IL6R: variants seen among roughly 807,000 people sequenced by gnomAD.
IL6R encodes the protein interleukin 6 receptor.
IL6R carries 38 observed loss-of-function variants against 48.3 expected under a neutral mutation model. That is an observed-to-expected ratio of 0.79 (90% CI 0.61 to 1.03). The LOEUF is 1.03. Among genes scored for constraint, IL6R ranks in the 50% least tolerant of loss-of-function variants. The pLI, the probability that IL6R is intolerant of heterozygous loss-of-function variation, is 0.00. For missense variants in IL6R, 534 were observed against 618.3 expected (o/e 0.86, Z 1.45); for synonymous variants, 264 against 256.2 (o/e 1.03, Z -0.29).
Position 154,449,992 on chromosome 1 carries a change from G to C in IL6R, c.1066+12G>C. ...GACAAGCCTCCCAGGTAAGGACTGG[G>C]TATTTTCATATTCCCAGGGTCCGAG... On this transcript the variant is annotated intron_variant, in intron 8 of 9. Transcript: ENST00000368485. The C allele has an allele frequency of 6.4e-7, 1 of 1,556,480 alleles. No individual in the cohort carries two copies. Among genetic ancestry groups the C allele is most frequent in the Non-Finnish European group, 8.9e-7 (1 of 1,127,480 alleles).
intron 6 of IL6R, among the ~76,000 whole-genome samples, chr1:154,446,858 T>G (rs1330216267): frequency 6.6e-6 from 1 of 152,266 alleles, no homozygotes; most frequent in African/African-American, 2.4e-5. Context: ...AGTATTATGA[T>G]ATATACTGTG....
chr1:154,459,630 G>T (rs1172747699), intron 9 of IL6R, among the ~76,000 whole-genome samples: 1 of 151,806 alleles, frequency 6.6e-6, no homozygotes, highest in African/African-American at 2.4e-5. Context: ...TTTTTTCTTT[G>T]TTTTTTATTA....
intron 2 of IL6R, among the ~76,000 whole-genome samples, chr1:154,430,009 T>C (rs1002194984): frequency 2.6e-5 from 4 of 152,208 alleles, no homozygotes; most frequent in Non-Finnish European, 5.9e-5. Context: ...TCGAGCCCTA[T>C]GCCAAGGCAC....
rs1691278268 is a variant in IL6R at position 154,461,794 on chromosome 1, G to A, written c.1161-3340G>A. ...ATCTCCCCAAGGAATTTGGGGCTAG[G>A]GTTGTAAAAATGTTGGACTGGGCCA... On this transcript the variant is annotated intron_variant, in intron 9 of 9. Coordinates refer to ENST00000368485, the MANE Select transcript of IL6R (RefSeq NM_000565.4). Among the ~76,000 whole-genome samples the A allele has an allele frequency of 2.0e-5, 3 of 152,102 alleles. No homozygotes were observed. In the South Asian group the frequency reaches 6.2e-4, roughly 32 times the overall value.
At chr1:154,439,309 T>C (rs188524144) in intron 6 of IL6R, among the ~76,000 whole-genome samples, 2 of 152,184 alleles carry the variant, frequency 1.3e-5, no homozygotes, top group African/African-American at 4.8e-5. Context: ...AGATTTACCA[T>C]TTATATTATT....
In IL6R at chr1:154,465,343, A is replaced by C. The variant is rs746869010; in HGVS notation, c.1370A>C (p.Tyr457Ser). 6.2e-7 allele frequency: 1 copy of C among 1,614,204 alleles called. No homozygotes were observed. Among genetic ancestry groups the C allele is most frequent in the Admixed American group, 1.7e-5 (1 of 60,034 alleles). The change falls in exon 10 of 10, where the codon TAT becomes TCT. Residue 457 changes from tyrosine to serine, a missense_variant. Coordinates refer to ENST00000368485, the MANE Select transcript of IL6R (RefSeq NM_000565.4). ...RPDARDPRSP[Y>S]DISNTDYFFP... ...GATGCCAGGGACCCACGGAGCCCTT[A>C]TGACATCAGCAATACAGACTACTTC...
intron 1 of IL6R, chr1:154,414,941 C>T (rs1192907899): frequency 9.2e-6 from 11 of 1,192,758 alleles, no homozygotes; most frequent in Middle Eastern, 2.3e-4. Context: ...GGGATGTCCT[C>T]GCATAGGATG....
rs1396279859 is a variant in IL6R at position 154,405,686 on chromosome 1, G to T, written c.57G>T (p.Ala19=). The change falls in exon 1 of 10, where the codon GCG becomes GCT. Residue 19 remains alanine, a synonymous_variant. Coordinates refer to ENST00000368485, the MANE Select transcript of IL6R (RefSeq NM_000565.4). The surrounding 1 kb of genome is among the most constrained non-coding windows in gnomAD (Gnocchi z 5.2). ...LAALLAAPGA[A]LAPRRCPAQE... is the part of the protein sequence containing the mutation. ...CCCTGCTGGCCGCGCCGGGAGCGGCGCTGGCCCCAAGGCGCTGCCCTGCGC... is the reference window on the plus strand; with the variant it reads ...CCCTGCTGGCCGCGCCGGGAGCGGCTCTGGCCCCAAGGCGCTGCCCTGCGC... The T allele has an allele frequency of 4.6e-6, 7 of 1,526,112 alleles. No individual in the cohort carries two copies. Among genetic ancestry groups the T allele is most frequent in the Non-Finnish European group, 6.1e-6 (7 of 1,143,524 alleles). 94.5% of individuals were successfully genotyped at this position (1,526,112 alleles called of 1,614,324 possible).
Position 154,467,135 on chromosome 1 carries a change from AT to A in IL6R, c.*1756del, listed in dbSNP as rs1354538935. The A allele has an allele frequency of 6.6e-6, 1 of 152,172 alleles. No homozygotes were observed. The highest frequency in any genetic ancestry group is 1.5e-5 in the Non-Finnish European group (1 of 68,038). 9.4% of individuals were successfully genotyped at this position (152,172 alleles called of 1,614,324 possible). ...CTGCTATCAAAGAGGTTTTAAAAAA[AT>A]CCCATTTAAAAAAAATCCCTTACCT... On this transcript the variant is annotated 3_prime_UTR_variant, in exon 10 of 10. Coordinates refer to ENST00000368485, the MANE Select transcript of IL6R (RefSeq NM_000565.4).
In IL6R at chr1:154,436,262, G is replaced by A. The variant is rs112050551; in HGVS notation, c.949+152G>A. The A allele has an allele frequency of 8.4e-4, 678 of 803,948 alleles. 3 individuals are homozygous for A. The African/African-American group carries it at 0.011, about 13-fold the overall frequency. The allele number at this position is 803,948 out of a possible 1,614,324, so 49.8% of individuals were successfully genotyped here. A position where few individuals can be genotyped will look rare whatever the true frequency, so the allele number is the denominator to read the frequency against. On this transcript the variant is annotated intron_variant, in intron 6 of 9. Transcript: ENST00000368485. ...TCCCAGCACTTTGGGAGGCTGAGGC[G>A]GGTGGATTGCCTGAGGTCAGCCTGG... is the stretch of plus-strand genomic sequence containing the variant.
intron 6 of IL6R, among the ~76,000 whole-genome samples, chr1:154,447,438 CAAAAAAAAAAAAAAA>C (rs201893129): frequency 2.6e-5 from 1 of 38,410 alleles, no homozygotes; most frequent in South Asian, 9.2e-4. Flanking sequence ...AACTCCATCT[CAAAAAAAAAAAAAAA>C]AATATATATA....
chr1:154,465,061 T>A (rs1691479710), intron 9 of IL6R, 73 bp from the exon 10 acceptor site: 9 of 1,585,996 alleles, frequency 5.7e-6, no homozygotes, highest in Non-Finnish European at 6.1e-6. Flanking sequence ...CAGCTGTTGG[T>A]GTTTTCCACT....
Position 154,429,422 on chromosome 1 carries a change from G to A in IL6R, c.312G>A (p.Gly104=). 1 of 1,612,506 alleles carries A rather than the reference G, an allele frequency of 6.2e-7. No homozygotes were observed. Among genetic ancestry groups the A allele is most frequent in the Non-Finnish European group, 8.5e-7 (1 of 1,178,764 alleles). The stretch of plus-strand genomic sequence containing the variant: ...GCTACCGGGCCGGCCGCCCAGCTGG[G>A]ACTGTGCACTTGCTGGTGGATGGTG... ...YSCYRAGRPA[G]TVHLLVDVPP... Residue 104 remains glycine (G), a synonymous_variant, in exon 2 of 10, where the codon GGG becomes GGA. Coordinates refer to ENST00000368485, the MANE Select transcript of IL6R (RefSeq NM_000565.4).
chr1:154,429,630 G>C (rs762018820), intron 2 of IL6R, among the ~76,000 whole-genome samples, 186 bp downstream of exon 2: 1 of 152,158 alleles, frequency 6.6e-6, no homozygotes, highest in Non-Finnish European at 1.5e-5. Context: ...GAGTGGGAGC[G>C]TCTGACTGGT....
chr1:154,417,662 G>A (rs570269145), intron 1 of IL6R, among the ~76,000 whole-genome samples: 2 of 151,784 alleles, frequency 1.3e-5, no homozygotes, highest in African/African-American at 2.4e-5. Flanking sequence ...CTCCATCTCC[G>A]GGGTTCAAGT....
At chr1:154,452,411 T>C (rs1318326007) in intron 8 of IL6R, among the ~76,000 whole-genome samples, 1 of 152,220 alleles carries the variant, frequency 6.6e-6, no homozygotes, top group Non-Finnish European at 1.5e-5. Context: ...TCAGGGCCTT[T>C]GCACTTGCTG....
At chr1:154,431,745 G>A (rs1689307191) in intron 3 of IL6R, among the ~76,000 whole-genome samples, 1 of 152,142 alleles carries the variant, frequency 6.6e-6, no homozygotes. Context: ...AGGATCAGCT[G>A]TTTTGGGTGA....
Position 154,437,489 on chromosome 1 carries a change from C to T in IL6R, c.949+1379C>T, listed in dbSNP as rs1247610779. 2.0e-5 allele frequency: 9 copies of T among 447,724 alleles called. No homozygotes were observed. The East Asian group carries it at 2.1e-4, about 10-fold the overall frequency. The allele number at this position is 447,724 out of a possible 1,614,324, so 27.7% of individuals were successfully genotyped here. A position where few individuals can be genotyped will look rare whatever the true frequency, so the allele number is the denominator to read the frequency against. ...AGTACAGCAGTGCAATCACAGCTCACGGCAACTTCTGCCTCCTGGGTTCAA... is the reference window on the plus strand; with the variant it reads ...AGTACAGCAGTGCAATCACAGCTCATGGCAACTTCTGCCTCCTGGGTTCAA... On this transcript the variant is annotated intron_variant, in intron 6 of 9. Coordinates refer to ENST00000368485, the MANE Select transcript of IL6R (RefSeq NM_000565.4).
chr1:154,445,613 G>A (rs1023051118), intron 6 of IL6R, among the ~76,000 whole-genome samples: 21 of 152,062 alleles, frequency 1.4e-4, no homozygotes, highest in Non-Finnish European at 2.2e-4. Flanking sequence ...AGGCGGGTGT[G>A]GTGGTGGGCG....
Sources: gnomAD v4.1 joint callset for allele counts (sites outside exome capture counted in the v4.1 genomes callset) on GRCh38, gnomAD v4.1.1 for gene constraint, Gnocchi (gnomAD v3.1) non-coding constraint, MANE v1.5 for transcripts, NCBI Gene and HGNC (gene_info 2026-07-23, HGNC 2026-07-21) for gene names.